TCEA3: variants seen among roughly 807,000 people sequenced by gnomAD.
TCEA3 encodes the protein transcription elongation factor A3, also known as transcription elongation factor A protein 3.
A neutral mutation model predicts 44.0 loss-of-function variants in TCEA3; 36 were observed. The ratio of observed to expected loss-of-function variants is 0.82; its 90% CI spans 0.63 to 1.08. The LOEUF (loss-of-function observed/expected upper bound fraction) is 1.08. Among genes scored for constraint, TCEA3 ranks in the 50% least tolerant of loss-of-function variants. TCEA3 has a pLI of 0.00. For synonymous variants in TCEA3, 162 were observed against 159.7 expected (o/e 1.01, Z -0.11); for missense variants, 392 against 441.2 (o/e 0.89, Z 1.00).
intron 4 of TCEA3, among the ~76,000 whole-genome samples, chr1:23,414,380 G>A (rs941269803): frequency 9.2e-5 from 14 of 151,660 alleles, no homozygotes; most frequent in Admixed American, 7.9e-4. Flanking sequence ...ATGAGCCACC[G>A]TGCCTGGCCC....
intron 10 of TCEA3, chr1:23,383,576 G>A (rs1638734892): frequency 4.1e-6 from 4 of 981,630 alleles, no homozygotes; most frequent in Non-Finnish European, 4.8e-6. Context: ...AGGGCAGAAT[G>A]GGACCTGAAA....
At chr1:23,422,876 C>T (rs1640105768) in intron 1 of TCEA3, among the ~76,000 whole-genome samples, 1 of 152,190 alleles carries the variant, frequency 6.6e-6, no homozygotes, top group Non-Finnish European at 1.5e-5. Flanking sequence ...AGGGCAGGTC[C>T]CGTCCTCTTC....
rs753437308 is a variant in TCEA3, at chr1:23,394,037, A to C, written c.665-4T>G. 11 of 1,613,920 alleles carry C rather than the reference A, an allele frequency of 6.8e-6. No individual in the cohort carries two copies. The East Asian group carries it at 2.5e-4, about 36-fold the overall frequency. On this transcript the variant is annotated splice_polypyrimidine_tract_variant and splice_region_variant and intron_variant, in intron 7 of 10. Transcript: ENST00000450454. ...CTCTTGAGCTCTTGGTAGATATGTG[A>C]CACAGTCAAGGGCCGGCCAGCCATT...
intron 7 of TCEA3, among the ~76,000 whole-genome samples, chr1:23,396,713 G>A (rs1252452558): frequency 6.6e-6 from 1 of 151,968 alleles, no homozygotes; most frequent in African/African-American, 2.4e-5. Flanking sequence ...AAAAAACAGA[G>A]GGCAGGGCGC....
chr1:23,418,041 G>A (rs1639945067), intron 2 of TCEA3, 32 bp from the exon 3 acceptor site: 4 of 1,603,066 alleles, frequency 2.5e-6, no homozygotes, highest in Non-Finnish European at 3.4e-6. Flanking sequence ...GCATAATCTG[G>A]GAATGGATAC....
intron 5 of TCEA3, among the ~76,000 whole-genome samples, chr1:23,405,207 G>A (rs1639508201): frequency 6.6e-6 from 1 of 152,170 alleles, no homozygotes; most frequent in African/African-American, 2.4e-5. Context: ...CTCAATAGAT[G>A]TGCTTGCCAA....
intron 8 of TCEA3, among the ~76,000 whole-genome samples, chr1:23,388,462 C>T (rs140946006): frequency 7.9e-4 from 120 of 152,282 alleles, no homozygotes; most frequent in African/African-American, 2.7e-3. Flanking sequence ...TTCCAAAGTG[C>T]TGGGATTACA....
At chr1:23,424,525 C>G (rs1303323223) in intron 1 of TCEA3, 40 bp downstream of exon 1, 1 of 1,577,264 alleles carries the variant, frequency 6.3e-7, no homozygotes, top group South Asian at 1.1e-5. Context: ...GCCCGCGCCT[C>G]CCGGGGGCGG....
intron 9 of TCEA3, among the ~76,000 whole-genome samples, chr1:23,386,560 GTTGT>G (rs1638843957): frequency 4.0e-5 from 6 of 150,506 alleles, no homozygotes; most frequent in Admixed American, 2.6e-4. Flanking sequence ...TTTTCTTTTT[GTTGT>G]TTGTTTGGTT....
intron 4 of TCEA3, among the ~76,000 whole-genome samples, chr1:23,415,772 A>G (rs1239894688): frequency 1.3e-5 from 2 of 152,240 alleles, no homozygotes; most frequent in African/African-American, 2.4e-5. Flanking sequence ...GGTTTTTCCA[A>G]GTAGGATACA....
chr1:23,390,264 T>A (rs1638980981), intron 8 of TCEA3, among the ~76,000 whole-genome samples: 1 of 151,294 alleles, frequency 6.6e-6, no homozygotes, highest in South Asian at 2.1e-4. Context: ...AGGTCAGGAG[T>A]TTGAGACCAA....
chr1:23,392,397 T>C (rs1241586976), intron 8 of TCEA3, among the ~76,000 whole-genome samples: 17 of 13,758 alleles, frequency 1.2e-3, no homozygotes, highest in Non-Finnish European at 1.4e-3. Flanking sequence ...CAAAACACAC[T>C]CCACACATCA....
At chr1:23,397,639 A>G (rs762556753) in intron 6 of TCEA3, 38 bp from the exon 7 acceptor site, 1 of 1,610,494 alleles carries the variant, frequency 6.2e-7, no homozygotes, top group Non-Finnish European at 8.5e-7. Flanking sequence ...TCAGCCAGAC[A>G]CAACGTAGGC....
intron 8 of TCEA3, among the ~76,000 whole-genome samples, chr1:23,390,080 CTGTT>C (rs1402484103): frequency 1.3e-5 from 2 of 152,158 alleles, no homozygotes; most frequent in South Asian, 2.1e-4. Context: ...TGGTGGTTAA[CTGTT>C]TGGGGTCTGG....
chr1:23,402,739 A>G (rs1020727948), intron 5 of TCEA3, among the ~76,000 whole-genome samples: 1 of 152,214 alleles, frequency 6.6e-6, no homozygotes, highest in African/African-American at 2.4e-5. Context: ...TCTCCAGATT[A>G]CAGGCTCCAG....
chr1:23,385,155 C>A (rs1482697719), intron 9 of TCEA3, among the ~76,000 whole-genome samples: 1 of 152,196 alleles, frequency 6.6e-6, no homozygotes, highest in Admixed American at 6.5e-5. Flanking sequence ...CCTGGCATTT[C>A]CAGGTTTAAC....
chr1:23,383,947 C>G, intron 10 of TCEA3: 1 of 1,039,168 alleles, frequency 9.6e-7, no homozygotes, highest in Non-Finnish European at 1.2e-6. Context: ...TTCCTGTTTC[C>G]CATCCTTGGC....
chr1:23,392,341 C>A (rs1290698275), intron 8 of TCEA3, among the ~76,000 whole-genome samples: 1 of 141,254 alleles, frequency 7.1e-6, no homozygotes, highest in East Asian at 2.1e-4. Flanking sequence ...TGACATCATA[C>A]ACACACACTC....
intron 9 of TCEA3, among the ~76,000 whole-genome samples, chr1:23,386,521 A>C (rs1638841110): frequency 6.6e-6 from 1 of 151,710 alleles, no homozygotes; most frequent in African/African-American, 2.4e-5. Flanking sequence ...TACAGGCGTG[A>C]GCCACTGAGC....
Sources: gnomAD v4.1 joint callset for allele counts (sites outside exome capture counted in the v4.1 genomes callset) on GRCh38, gnomAD v4.1.1 for gene constraint, MANE v1.5 for transcripts, NCBI Gene and HGNC (gene_info 2026-07-23, HGNC 2026-07-21) for gene names.